Variants in RSPRY1 observed in about 807,000 individuals in gnomAD.
RSPRY1 encodes the protein RING finger and SPRY domain-containing protein 1.
A neutral mutation model predicts 73.1 loss-of-function variants in RSPRY1; 23 were observed. The ratio of observed to expected loss-of-function variants is 0.31; its 90% CI spans 0.23 to 0.45. RSPRY1 has a LOEUF of 0.45. Among genes scored for constraint, RSPRY1 ranks in the 20% least tolerant of loss-of-function variants. RSPRY1 has a pLI of 1.00. For missense variants in RSPRY1, 448 were observed against 698.7 expected, an observed-to-expected ratio of 0.64 and a Z score of 4.05; for synonymous variants, 226 against 251.4, an observed-to-expected ratio of 0.90 and a Z score of 0.95.
intron 2 of RSPRY1, chr16:57,207,585 A>G (rs560330019): frequency 4.4e-6 from 2 of 456,156 alleles, no homozygotes; most frequent in Admixed American, 2.3e-5. Flanking sequence ...ATGTAGTGGT[A>G]TTTCCAGAAG....
At chr16:57,193,438 A>G (rs1399114619) in intron 1 of RSPRY1, among the ~76,000 whole-genome samples, 1 of 151,070 alleles carries the variant, frequency 6.6e-6, no homozygotes, top group Non-Finnish European at 1.5e-5. Flanking sequence ...GATTTTCCCT[A>G]TTTAAACACA....
At chr16:57,232,707 CA>C (rs2075243468) in intron 13 of RSPRY1, among the ~76,000 whole-genome samples, 2 of 152,198 alleles carry the variant, frequency 1.3e-5, no homozygotes, top group Non-Finnish European at 2.9e-5. Context: ...TAAACCTTCC[CA>C]AACTCAGATG....
chr16:57,215,258 T>C (rs561443365), intron 6 of RSPRY1, among the ~76,000 whole-genome samples: 1 of 152,214 alleles, frequency 6.6e-6, no homozygotes, highest in African/African-American at 2.4e-5. Flanking sequence ...TGTTCAGAGA[T>C]AGGACACAGA....
At chr16:57,220,564 C>T (rs370883679) in intron 8 of RSPRY1, 168 bp from the exon 9 acceptor site, 5 of 388,722 alleles carry the variant, frequency 1.3e-5, no homozygotes, top group East Asian at 1.1e-4. Context: ...TTTAGGTTTT[C>T]CTAAATATAA....
At chr16:57,233,480 T>A (rs1240757313) in intron 13 of RSPRY1, among the ~76,000 whole-genome samples, 1 of 152,150 alleles carries the variant, frequency 6.6e-6, no homozygotes, top group Non-Finnish European at 1.5e-5. Flanking sequence ...CAAGCGATCC[T>A]CCCACCTCAG....
chr16:57,189,577 C>A (rs370209280), intron 1 of RSPRY1, among the ~76,000 whole-genome samples: 1 of 137,918 alleles, frequency 7.3e-6, no homozygotes, highest in South Asian at 2.3e-4. Context: ...TCTGTTTTTT[C>A]TTTTTCTTTT....
chr16:57,195,793 TG>T (rs2074431564), intron 1 of RSPRY1, among the ~76,000 whole-genome samples: 1 of 151,366 alleles, frequency 6.6e-6, no homozygotes, highest in Admixed American at 6.6e-5. Context: ...GAGGCTGAAG[TG>T]GGTGGATCAT....
chr16:57,228,421 A>T (rs544071261), intron 11 of RSPRY1, among the ~76,000 whole-genome samples: 1 of 152,284 alleles, frequency 6.6e-6, no homozygotes, highest in East Asian at 1.9e-4. Context: ...TTGAAGGAAC[A>T]TAAAACTTCT....
At chr16:57,233,171 T>C (rs773827008) in intron 13 of RSPRY1, among the ~76,000 whole-genome samples, 1 of 152,206 alleles carries the variant, frequency 6.6e-6, no homozygotes, top group Non-Finnish European at 1.5e-5. Flanking sequence ...TTTTATAAAT[T>C]GTTCTGTGTT....
intron 1 of RSPRY1, among the ~76,000 whole-genome samples, chr16:57,204,044 T>G: frequency 6.6e-6 from 1 of 152,366 alleles, no homozygotes; most frequent in East Asian, 1.9e-4. Flanking sequence ...GTAATTATTT[T>G]ATTTAAAACT....
chr16:57,192,994 G>T (rs1269044717), intron 1 of RSPRY1, among the ~76,000 whole-genome samples: 2 of 152,180 alleles, frequency 1.3e-5, no homozygotes, highest in African/African-American at 4.8e-5. Context: ...GGGATTACAG[G>T]TGTGAGCCAC....
At chr16:57,188,515 T>TTTTG (rs111860984) in intron 1 of RSPRY1, among the ~76,000 whole-genome samples, 16,630 of 151,954 alleles carry the variant, frequency 0.11, 1,198 homozygotes, top group East Asian at 0.22. Context: ...TTTTTGGTTT[T>TTTTG]TTTGTTTGTT....
chr16:57,230,640 C>A, intron 11 of RSPRY1, 71 bp from the exon 12 acceptor site: 1 of 849,456 alleles, frequency 1.2e-6, no homozygotes, highest in Non-Finnish European at 2.0e-6. Flanking sequence ...CATTGAAACA[C>A]TTGAGATGCT....
chr16:57,210,269 A>G (rs981592008), intron 4 of RSPRY1, among the ~76,000 whole-genome samples: 36 of 149,066 alleles, frequency 2.4e-4, no homozygotes, highest in African/African-American at 8.6e-4. Flanking sequence ...TTGTAGATAA[A>G]GGGTCTCACT....
intron 10 of RSPRY1, among the ~76,000 whole-genome samples, chr16:57,227,132 G>A (rs540426209): frequency 1.3e-5 from 2 of 152,288 alleles, no homozygotes; most frequent in South Asian, 4.1e-4. Flanking sequence ...GAGGCACTGG[G>A]AAAATATTTG....
chr16:57,230,678 A>T, intron 11 of RSPRY1, 33 bp from the exon 12 acceptor site: 1 of 1,218,254 alleles, frequency 8.2e-7, no homozygotes, highest in Non-Finnish European at 1.2e-6. Flanking sequence ...AGTACACATC[A>T]TTATCCTAAC....
At chr16:57,213,769 A>C (rs1174692815) in intron 5 of RSPRY1, 119 bp from the exon 6 acceptor site, 2 of 776,326 alleles carry the variant, frequency 2.6e-6, no homozygotes, top group African/African-American at 3.4e-5. Flanking sequence ...ACCTCAGAGC[A>C]GGAGGCTTTA....
At chr16:57,234,059 C>T (rs1217032422) in intron 13 of RSPRY1, among the ~76,000 whole-genome samples, 4 of 152,114 alleles carry the variant, frequency 2.6e-5, no homozygotes, top group Admixed American at 2.0e-4. Context: ...CCTCCCAGGC[C>T]CCGTACAATT....
At chr16:57,201,776 G>GCGAAACCC (rs1311177355) in intron 1 of RSPRY1, among the ~76,000 whole-genome samples, 2 of 152,252 alleles carry the variant, frequency 1.3e-5, no homozygotes, top group Non-Finnish European at 2.9e-5. Context: ...GGCCAACACA[G>GCGAAACCC]CGAAACCCCG....
Sources: allele counts gnomAD v4.1 joint callset (sites outside exome capture counted in the v4.1 genomes callset), GRCh38; gene constraint gnomAD v4.1.1; transcripts MANE v1.5; gene names NCBI Gene and HGNC (gene_info 2026-07-23, HGNC 2026-07-21).